FOXN3: variants seen among roughly 807,000 people sequenced by gnomAD.
FOXN3 encodes the protein forkhead box protein N3.
A neutral mutation model predicts 38.4 loss-of-function variants in FOXN3; 7 were observed. The observed-to-expected ratio is 0.18, with a 90% CI of 0.10 to 0.34. FOXN3 has a LOEUF of 0.34. Among genes scored for constraint, FOXN3 ranks in the 10% least tolerant of loss-of-function variants. The pLI, the probability that FOXN3 is intolerant of heterozygous loss-of-function variation, is 1.00. For missense variants in FOXN3, 456 were observed against 613.4 expected, an observed-to-expected ratio of 0.74 and a Z score of 2.71; for synonymous variants, 230 against 242.2, an observed-to-expected ratio of 0.95 and a Z score of 0.47.
chr14:89,505,914 C>T (rs1264695888), intron 1 of FOXN3, among the ~76,000 whole-genome samples: 1 of 150,476 alleles, frequency 6.6e-6, no homozygotes, highest in Admixed American at 6.6e-5. Flanking sequence ...AGGAGCGTCT[C>T]TGCCCGGCCG....
intron 1 of FOXN3, among the ~76,000 whole-genome samples, chr14:89,561,701 G>A (rs537990722): frequency 4.6e-5 from 7 of 152,298 alleles, no homozygotes; most frequent in African/African-American, 1.7e-4. Flanking sequence ...TGCGTGTGTA[G>A]GAAAAGGAGT....
chr14:89,230,974 A>G, intron 4 of FOXN3: 1 of 422,452 alleles, frequency 2.4e-6, no homozygotes, highest in Non-Finnish European at 4.8e-6. Flanking sequence ...GGAGTAGCAC[A>G]TAGCCACTAG....
intron 3 of FOXN3, among the ~76,000 whole-genome samples, chr14:89,297,508 C>T (rs916279816): frequency 4.0e-5 from 6 of 149,738 alleles, no homozygotes; most frequent in African/African-American, 1.5e-4. Context: ...TGCAGTGAGC[C>T]GAGATTGCGC....
intron 1 of FOXN3, among the ~76,000 whole-genome samples, chr14:89,472,594 G>A (rs368989228): frequency 7.9e-5 from 12 of 151,712 alleles, no homozygotes; most frequent in African/African-American, 1.7e-4. Flanking sequence ...GGTGGCGGAC[G>A]CCTGCAGTCC....
chr14:89,425,313 C>A (rs1230826979), intron 1 of FOXN3, among the ~76,000 whole-genome samples: 3 of 151,786 alleles, frequency 2.0e-5, no homozygotes, highest in African/African-American at 7.3e-5. Context: ...TCGTGATCCA[C>A]CCACCTTGGC....
intron 1 of FOXN3, among the ~76,000 whole-genome samples, chr14:89,595,411 T>A (rs1566712784): frequency 6.6e-6 from 1 of 152,196 alleles, no homozygotes; most frequent in Non-Finnish European, 1.5e-5. Flanking sequence ...TCAATAGTGT[T>A]TCATGGTTTT....
At chr14:89,528,120 T>C (rs1894469288) in intron 1 of FOXN3, among the ~76,000 whole-genome samples, 1 of 152,156 alleles carries the variant, frequency 6.6e-6, no homozygotes. Flanking sequence ...TCTTAAAAAG[T>C]TGAACATATA....
intron 5 of FOXN3, among the ~76,000 whole-genome samples, chr14:89,175,080 A>C (rs1887486562): frequency 6.6e-6 from 1 of 152,220 alleles, no homozygotes; most frequent in Admixed American, 6.5e-5. Flanking sequence ...AAGACAGCTG[A>C]TCCGGAGCAG....
At chr14:89,216,947 GC>G (rs1390780802) in intron 4 of FOXN3, among the ~76,000 whole-genome samples, 2 of 152,110 alleles carry the variant, frequency 1.3e-5, no homozygotes, top group African/African-American at 2.4e-5. Flanking sequence ...TGTGGAAATG[GC>G]ATCTTCTTAT....
intron 1 of FOXN3, among the ~76,000 whole-genome samples, chr14:89,504,581 C>A (rs188735391): frequency 2.9e-3 from 439 of 152,320 alleles, no homozygotes; most frequent in Non-Finnish European, 4.9e-3. Flanking sequence ...CACAGCCCTG[C>A]AGGAGGAAAG....
At chr14:89,352,310 A>C (rs1168869106) in intron 2 of FOXN3, among the ~76,000 whole-genome samples, 1 of 152,230 alleles carries the variant, frequency 6.6e-6, no homozygotes, top group African/African-American at 2.4e-5. Context: ...AGAATAGTTC[A>C]GGGGGAGCAG....
chr14:89,458,002 C>T (rs777198950), intron 1 of FOXN3, among the ~76,000 whole-genome samples: 32 of 144,436 alleles, frequency 2.2e-4, no homozygotes, highest in Non-Finnish European at 3.7e-4. Context: ...CGCACTCCAG[C>T]CTGAGCGATA....
At chr14:89,187,089 T>C (rs1289316339) in intron 4 of FOXN3, among the ~76,000 whole-genome samples, 5 of 152,190 alleles carry the variant, frequency 3.3e-5, no homozygotes, top group African/African-American at 4.8e-5. Context: ...TGCCATCTGG[T>C]GACCTGGAGT....
At chr14:89,325,274 ACACCAACACCAACAC>A (rs1257404943) in intron 3 of FOXN3, among the ~76,000 whole-genome samples, 102 of 55,060 alleles carry the variant, frequency 1.9e-3, no homozygotes, top group African/African-American at 3.8e-3. Flanking sequence ...ACCATCACCA[ACACCAACACCAACAC>A]CACCAACACC....
At position 89,196,639 on chromosome 14, in the gene FOXN3, C is replaced by T. The variant is rs367913404; in HGVS notation, c.746-15833G>A. Among the ~76,000 whole-genome samples, 22 of 152,304 alleles carry T rather than the reference C, an allele frequency of 1.4e-4. No homozygotes were observed. The South Asian group carries it at 1.4e-3, about 10-fold the overall frequency. The stretch of plus-strand genomic sequence containing the variant: ...CTCCAAAGACCTTAGGGGCAGCTAA[C>T]AGCCTTAGTAAGGCTGGGAGAATAC... On this transcript the variant is annotated intron_variant, in intron 4 of 5. Coordinates refer to ENST00000557258, the MANE Select transcript of FOXN3 (RefSeq NM_005197.4).
At chr14:89,374,263 CAAAAAAAAAAAAAA>C (rs35623770) in intron 2 of FOXN3, among the ~76,000 whole-genome samples, 1 of 48,178 alleles carries the variant, frequency 2.1e-5, no homozygotes, top group Non-Finnish European at 3.6e-5. Context: ...GACCTTGTCT[CAAAAAAAAAAAAAA>C]AAAAAAAAAA....
At chr14:89,464,377 C>T (rs1892926648) in intron 1 of FOXN3, among the ~76,000 whole-genome samples, 1 of 152,150 alleles carries the variant, frequency 6.6e-6, no homozygotes, top group African/African-American at 2.4e-5. Flanking sequence ...TCCTCTATAG[C>T]TCCTTGAAAA....
intron 1 of FOXN3, among the ~76,000 whole-genome samples, chr14:89,589,180 T>G (rs1566710578): frequency 6.6e-6 from 1 of 152,206 alleles, no homozygotes; most frequent in Non-Finnish European, 1.5e-5. Flanking sequence ...GTTTACCATG[T>G]GCACTCCCAG....
intron 3 of FOXN3, among the ~76,000 whole-genome samples, chr14:89,306,511 C>T (rs533052792): frequency 1.1e-4 from 16 of 152,206 alleles, no homozygotes; most frequent in South Asian, 6.2e-4. Context: ...GGACTACAGG[C>T]GCCCACCACC....
Sources: gnomAD v4.1 joint callset for allele counts (sites outside exome capture counted in the v4.1 genomes callset) on GRCh38, gnomAD v4.1.1 for gene constraint, MANE v1.5 for transcripts, NCBI Gene and HGNC (gene_info 2026-07-23, HGNC 2026-07-21) for gene names.